Variants in DDX11 observed in about 807,000 individuals in gnomAD.
DDX11 encodes the protein DEAD/H-box helicase 11, also known as ATP-dependent DNA helicase DDX11.
A neutral mutation model predicts 125.2 loss-of-function variants in DDX11; 72 were observed. That is an observed-to-expected ratio of 0.58 (90% CI 0.48 to 0.70). The LOEUF is 0.70. Ranked by LOEUF, DDX11 falls within the 30% of genes least tolerant of loss-of-function variation. The pLI is 0.00. For synonymous variants in DDX11, 347 were observed against 452.6 expected (o/e 0.77, Z 2.96); for missense variants, 883 against 1,165.0 (o/e 0.76, Z 3.52).
At chr12:31,092,823 C>G in intron 10 of DDX11, 23 bp from the exon 11 acceptor site, 2 of 1,613,016 alleles carry the variant, frequency 1.2e-6, no homozygotes, top group South Asian at 1.1e-5. Context: ...TTGCTCAGAG[C>G]CTGGTTTGTG....
chr12:31,088,395 G>A (rs888560033), intron 6 of DDX11, among the ~76,000 whole-genome samples: 25 of 152,120 alleles, frequency 1.6e-4, no homozygotes, highest in African/African-American at 5.3e-4. Context: ...GGTGTTTTCT[G>A]TCCCTGCTGG....
intron 8 of DDX11, 187 bp downstream of exon 8, chr12:31,089,677 T>G (rs1227176452): frequency 2.2e-5 from 26 of 1,170,990 alleles, no homozygotes; most frequent in African/African-American, 3.1e-5. Flanking sequence ...GTCCGAATCC[T>G]TGGCTTGGAG....
At chr12:31,090,400 A>G (rs564737251) in intron 9 of DDX11, among the ~76,000 whole-genome samples, 1 of 150,446 alleles carries the variant, frequency 6.6e-6, no homozygotes, top group South Asian at 2.2e-4. Flanking sequence ...TGCTGCATAC[A>G]TCTATTTACA....
chr12:31,084,502 G>T lies in DDX11; in HGVS notation c.394-81G>T. On this transcript the variant is annotated intron_variant, in intron 3 of 26. Coordinates refer to ENST00000542838, the MANE Select transcript of DDX11 (RefSeq NM_030653.4). ...GAGATGCCCCCAGTGAGGAGGCGCCGGGCTGAGTGGCCCAGACTCCTTAGG... is the reference window on the plus strand; with the variant it reads ...GAGATGCCCCCAGTGAGGAGGCGCCTGGCTGAGTGGCCCAGACTCCTTAGG... 8.6e-6 allele frequency: 11 copies of T among 1,278,664 alleles called. No individual in the cohort carries two copies. In the South Asian group the frequency reaches 1.4e-4, roughly 16 times the overall value. 79.2% of individuals were successfully genotyped at this position (1,278,664 alleles called of 1,614,324 possible).
At position 31,103,620 on chromosome 12, in the gene DDX11, C is replaced by T. The variant is rs573376748; in HGVS notation, c.2580C>T (p.Leu860=). Residue 860 remains leucine, a synonymous_variant, in exon 26 of 27, where the codon CTC becomes CTT. Transcript: ENST00000542838. ...AGAAGGATTTTGCCAGCGTAGTGCTCCTGGACCAGCGATATGCCCGGCCCC... is the reference window on the plus strand; with the variant it reads ...AGAAGGATTTTGCCAGCGTAGTGCTTCTGGACCAGCGATATGCCCGGCCCC... The part of the protein sequence containing the change: ...RHQKDFASVV[L]LDQRYARPPV... The T allele has an allele frequency of 9.2e-5, 148 of 1,614,030 alleles. No individual in the cohort carries two copies. In the South Asian group the frequency reaches 1.5e-3, roughly 16 times the overall value.
At position 31,101,803 on chromosome 12, in the gene DDX11, G is replaced by A. The variant is rs1321511869; in HGVS notation, c.2053-30G>A. 4 of 1,613,594 alleles carry A rather than the reference G, an allele frequency of 2.5e-6. No individual in the cohort carries two copies. The African/African-American group carries it at 4.0e-5, about 16-fold the overall frequency. On this transcript the variant is annotated intron_variant, in intron 20 of 26. Coordinates refer to ENST00000542838, the MANE Select transcript of DDX11 (RefSeq NM_030653.4). ...GTGGCTGAGGGGTTGCTCCATGGGG[G>A]CTCCCTCCCTCCCTCCTTTCCTTCC... is the stretch of plus-strand genomic sequence containing the variant.
chr12:31,078,217 G>A, intron 1 of DDX11, 173 bp from the exon 2 acceptor site: 1 of 1,539,566 alleles, frequency 6.5e-7, no homozygotes, highest in Middle Eastern at 1.7e-4. Context: ...ATTCTGGTAT[G>A]GCCTCACGTG....
At chr12:31,096,571 T>C (rs1341469045) in intron 15 of DDX11, 66 bp from the exon 16 acceptor site, 2 of 1,593,374 alleles carry the variant, frequency 1.3e-6, no homozygotes, top group Non-Finnish European at 1.7e-6. Flanking sequence ...GAGCCTCCGA[T>C]CCACCCAGCC....
At chr12:31,098,183 G>A (rs1945660837) in intron 18 of DDX11, among the ~76,000 whole-genome samples, 186 bp downstream of exon 18, 1 of 152,204 alleles carries the variant, frequency 6.6e-6, no homozygotes, top group Admixed American at 6.5e-5. Flanking sequence ...TTAGGCTGCA[G>A]GAGCAGTGGA....
chr12:31,088,077 A>C, intron 6 of DDX11, 94 bp downstream of exon 6: 122 of 1,543,782 alleles, frequency 7.9e-5, no homozygotes, highest in Non-Finnish European at 9.8e-5. Context: ...GCTACTTCTC[A>C]CCCTCCTCTC....
At chr12:31,082,244 A>G (rs1308022146) in intron 2 of DDX11, among the ~76,000 whole-genome samples, 1,208 of 146,930 alleles carry the variant, frequency 8.2e-3, no homozygotes, top group African/African-American at 0.031. Context: ...AATGATAGCA[A>G]AAAGTTAGCT....
At chr12:31,102,842 T>C in intron 23 of DDX11, 94 bp from the exon 24 acceptor site, 1 of 1,070,082 alleles carries the variant, frequency 9.3e-7, no homozygotes, top group Non-Finnish European at 1.4e-6. Context: ...TCGGAGAGGC[T>C]GAGGGAAGGG....
Position 31,087,954 on chromosome 12 carries a change from G to A in DDX11, c.655G>A (p.Asp219Asn), listed in dbSNP as rs1212555192. The A allele has an allele frequency of 5.0e-6, 8 of 1,608,464 alleles. No homozygotes were observed. The highest frequency in any genetic ancestry group is 5.9e-6 in the Non-Finnish European group (7 of 1,177,878). Residue 219 changes from aspartate to asparagine, a missense_variant, in exon 6 of 27, where the codon GAT (aspartate) becomes AAT (asparagine). Around this residue, in one of 5 missense-constraint regions of DDX11, gnomAD observed 283 missense variants for 359.6 expected, o/e 0.79. Transcript: ENST00000542838. ...CACACACAGAGTGGATGAGGATGAG[G>A]ATGACCTGGAGGAAGAACACATAAC... The part of the protein sequence containing the change: ...KVASRVDEDE[D>N]DLEEEHITKI...
In DDX11 at chr12:31,103,352, T is replaced by C. The variant is rs997286617; in HGVS notation, c.2493T>C (p.Ala831=). Residue 831 remains alanine, a synonymous_variant, in exon 25 of 27, where the codon GCT becomes GCC. Coordinates refer to ENST00000542838, the MANE Select transcript of DDX11 (RefSeq NM_030653.4). ...CCGGCCAGGCACCCCCAGGGAAGGCTCTGGTGGAGAACCTGTGCATGAAGG... is the reference window on the plus strand; with the variant it reads ...CCGGCCAGGCACCCCCAGGGAAGGCCCTGGTGGAGAACCTGTGCATGAAGG... ...RAPGQAPPGK[A]LVENLCMKAV... 7 of 1,611,026 alleles carry C rather than the reference T, an allele frequency of 4.3e-6. No homozygotes were observed. In the African/African-American group the frequency reaches 9.4e-5, roughly 22 times the overall value.
At chr12:31,092,560 G>A (rs1053421748) in intron 10 of DDX11, among the ~76,000 whole-genome samples, 29 of 104,372 alleles carry the variant, frequency 2.8e-4, no homozygotes, top group African/African-American at 1.1e-3. Flanking sequence ...TTCCCAACCC[G>A]GTGGAAACTT....
At position 31,101,057 on chromosome 12, in the gene DDX11, C is replaced by G; in HGVS notation, c.1979C>G (p.Pro660Arg). 6.2e-7 allele frequency: 1 copy of G among 1,614,174 alleles called. No individual in the cohort carries two copies. The highest frequency in any genetic ancestry group is 8.5e-7 in the Non-Finnish European group (1 of 1,180,016). Reference protein sequence around the residue: ...GHVIPPDNILPLVICSGISNQ... With the variant: ...GHVIPPDNILRLVICSGISNQ... ...GTGATCCCTCCAGACAACATCCTGC[C>G]CCTCGTCATCTGCAGCGGGATCTCC... Residue 660 changes from proline to arginine, a missense_variant, in exon 20 of 27, where the codon CCC becomes CGC. Pro to Arg is a moderately radical substitution (Grantham distance 103, BLOSUM62 -2). Transcript: ENST00000542838.
In DDX11 at chr12:31,102,288, C is replaced by T. The variant is rs1299157081; in HGVS notation, c.2248C>T (p.Leu750=). ...CGCACACCAGGTGGAGCAGGTGCTG[C>T]TGGCATATTCCAGGTGCATCCAGGT... ...KSAHQVEQVL[L]AYSRCIQACG... Residue 750 remains leucine (L), a synonymous_variant, in exon 22 of 27, where the codon CTG becomes TTG. Transcript: ENST00000542838. 1.2e-6 allele frequency: 2 copies of T among 1,614,202 alleles called. No homozygotes were observed. The highest frequency in any genetic ancestry group is 2.2e-5 in the East Asian group (1 of 44,886).
At position 31,083,894 on chromosome 12, in the gene DDX11, C is replaced by A. The variant is rs778887257; in HGVS notation, c.226C>A (p.Leu76Ile). 3.7e-6 allele frequency: 6 copies of A among 1,613,692 alleles called. No individual in the cohort carries two copies. The East Asian group carries it at 1.3e-4, about 36-fold the overall frequency. Reference protein sequence around the residue: ...EQKKREEEARLLETGTGPLHD... With the variant: ...EQKKREEEARILETGTGPLHD... Reference sequence around the variant, plus strand: ...GAAGAAGCGTGAAGAAGAGGCACGACTCCTTGAAACTGGAACTGGCCCCTT... The same window carrying A: ...GAAGAAGCGTGAAGAAGAGGCACGAATCCTTGAAACTGGAACTGGCCCCTT... The change falls in exon 3 of 27, where the codon CTC becomes ATC. Residue 76 changes from leucine to isoleucine, a missense_variant. Physicochemically the swap from Leu to Ile is conservative, Grantham distance 5 (BLOSUM62 2). Around this residue, in one of 5 missense-constraint regions of DDX11, gnomAD observed 283 missense variants for 359.6 expected, o/e 0.79. Transcript: ENST00000542838.
chr12:31,093,646 G>T (rs532620405), intron 12 of DDX11: 19 of 369,220 alleles, frequency 5.1e-5, no homozygotes, highest in African/African-American at 2.1e-4. Context: ...GCTCAAACCC[G>T]GGAGGCGGAG....
Sources: gnomAD v4.1 joint callset for allele counts (sites outside exome capture counted in the v4.1 genomes callset) on GRCh38, gnomAD v4.1.1 for gene constraint, gnomAD v4.1.1 regional missense constraint, MANE v1.5 for transcripts, NCBI Gene and HGNC (gene_info 2026-07-23, HGNC 2026-07-21) for gene names.